Variants in KRABD4 observed in about 807,000 individuals in gnomAD.
KRABD4 encodes KRAB domain-containing protein 4.
chrX:46,457,686 A>G, the KRABD4 span, among the ~76,000 whole-genome samples: 3 of 101,082 alleles, frequency 3.0e-5, no homozygotes, highest in South Asian at 9.3e-4. Context: ...GTTGTTTTTA[A>G]TGAAAATATG....
chrX:46,470,754 G>C, the KRABD4 span, among the ~76,000 whole-genome samples: 1 of 110,832 alleles, frequency 9.0e-6, no homozygotes, highest in Non-Finnish European at 1.9e-5. Context: ...ATTCAAAATA[G>C]TTTCAAATTC....
the KRABD4 span, among the ~76,000 whole-genome samples, chrX:46,451,393 TCTGGGTGGTGTTC>T: frequency 8.9e-6 from 1 of 112,503 alleles, no homozygotes; most frequent in East Asian, 2.8e-4. Context: ...CTGATTACTT[TCTGGGTGGTGTTC>T]CTTGTCGATA....
At chrX:46,459,276 G>A in the KRABD4 span, among the ~76,000 whole-genome samples, 236 of 105,011 alleles carry the variant, frequency 2.2e-3, 2 homozygotes, top group Non-Finnish European at 2.4e-3. Context: ...ATAGTGCCAC[G>A]GCACTCCAGC....
chrX:46,474,368 G>T, the KRABD4 span: 1 of 111,393 alleles, frequency 9.0e-6, no homozygotes, highest in African/African-American at 3.3e-5. Context: ...TTAAATTTGC[G>T]GATGGAAGGC....
At chrX:46,447,891 G>A in the KRABD4 span, among the ~76,000 whole-genome samples, 1 of 111,087 alleles carries the variant, frequency 9.0e-6, no homozygotes, top group East Asian at 2.8e-4. Flanking sequence ...CGGGAGCTGG[G>A]ACTTTGAGAT....
chrX:46,461,838 C>T, the KRABD4 span, among the ~76,000 whole-genome samples: 4 of 111,558 alleles, frequency 3.6e-5, no homozygotes, highest in Non-Finnish European at 5.7e-5. Context: ...CTGTCAGCCC[C>T]AGGCAGGATT....
chrX:46,457,623 G>GTTTTT, the KRABD4 span, among the ~76,000 whole-genome samples: 6 of 75,270 alleles, frequency 8.0e-5, no homozygotes, highest in Admixed American at 1.5e-4. Context: ...GCCTTTCAGA[G>GTTTTT]TTTTTTTTTT....
At chrX:46,473,664 T>A in the KRABD4 span, 2 of 273,332 alleles carry the variant, frequency 7.3e-6, no homozygotes, top group African/African-American at 5.6e-5. Flanking sequence ...TCTTTTTTTT[T>A]TTTTTTTTGA....
chrX:46,473,573 A>G, the KRABD4 span: 13 of 506,422 alleles, frequency 2.6e-5, no homozygotes, highest in Admixed American at 3.6e-4. Flanking sequence ...ACATAAATGC[A>G]TAAGTTGCAT....
At chrX:46,461,871 C>G in the KRABD4 span, among the ~76,000 whole-genome samples, 1 of 111,326 alleles carries the variant, frequency 9.0e-6, no homozygotes, top group South Asian at 3.8e-4. Context: ...TGTGGACCAC[C>G]CGGACCCCTT....
At chrX:46,456,546 G>A in the KRABD4 span, 2 of 218,249 alleles carry the variant, frequency 9.2e-6, no homozygotes, top group Middle Eastern at 5.7e-4. Context: ...TTTTTTTCAG[G>A]TCACTTGTAG....
At chrX:46,455,721 A>G in the KRABD4 span, 1 of 381,596 alleles carries the variant, frequency 2.6e-6, no homozygotes, top group Non-Finnish European at 4.8e-6. Context: ...AACGTTATTC[A>G]GTTCTTTTGA....
the KRABD4 span, chrX:46,473,345 G>A: frequency 4.2e-5 from 50 of 1,182,824 alleles, no homozygotes; most frequent in Non-Finnish European, 5.3e-5. Context: ...TATGAATGCA[G>A]TGAATGTGGA....
chrX:46,474,512 AATTC>A, the KRABD4 span: 1 of 111,983 alleles, frequency 8.9e-6, no homozygotes, highest in African/African-American at 3.2e-5. Context: ...TGCATTAAAG[AATTC>A]ATTGAGTGTA....
the KRABD4 span, among the ~76,000 whole-genome samples, chrX:46,464,206 C>G: frequency 2.7e-5 from 3 of 111,622 alleles, no homozygotes; most frequent in Admixed American, 2.9e-4. Flanking sequence ...ATACACTGGT[C>G]TACTCTTTCT....
chrX:46,472,540 T>C, the KRABD4 span: 2 of 381,449 alleles, frequency 5.2e-6, no homozygotes, highest in African/African-American at 5.1e-5. Flanking sequence ...TGGCTGCATA[T>C]TAAATTATTT....
At chrX:46,463,910 C>T in the KRABD4 span, among the ~76,000 whole-genome samples, 1 of 110,821 alleles carries the variant, frequency 9.0e-6, no homozygotes, top group Non-Finnish European at 1.9e-5. Context: ...ACACTGTAAA[C>T]CTCACACCAT....
At chrX:46,462,403 G>A in the KRABD4 span, 6 of 216,958 alleles carry the variant, frequency 2.8e-5, no homozygotes, top group South Asian at 1.4e-4. Flanking sequence ...CCAGCTACTC[G>A]GGAGGCTGAG....
At chrX:46,463,654 T>C in the KRABD4 span, among the ~76,000 whole-genome samples, 1 of 111,912 alleles carries the variant, frequency 8.9e-6, no homozygotes, top group Admixed American at 9.5e-5. Flanking sequence ...CCTTTTGTAT[T>C]TTCACCATAG....
Sources: gnomAD v4.1 joint callset for allele counts (sites outside exome capture counted in the v4.1 genomes callset) on GRCh38, gnomAD v4.1.1 for gene constraint, MANE v1.5 for transcripts, NCBI Gene and HGNC (gene_info 2026-07-23, HGNC 2026-07-21) for gene names.